Variants in RALYL observed in about 807,000 individuals in gnomAD.
The protein encoded by RALYL is RALY RNA binding protein like, also known as RNA-binding Raly-like protein.
RALYL carries 29 observed loss-of-function variants against 35.1 expected under a neutral mutation model. That is an observed-to-expected ratio of 0.83 (90% CI 0.61 to 1.13). RALYL has a LOEUF of 1.13. Among genes scored for constraint, RALYL ranks in the 50% most tolerant of loss-of-function variants. The probability of loss-of-function intolerance (pLI) is 0.00; values close to 1 mark genes in which losing one functional copy is unlikely to be tolerated. For missense variants in RALYL, 359 were observed against 360.4 expected, an observed-to-expected ratio of 1.00 and a Z score of 0.03; for synonymous variants, 120 against 127.6, an observed-to-expected ratio of 0.94 and a Z score of 0.40.
intron 5 of RALYL, among the ~76,000 whole-genome samples, chr8:84,861,375 C>T (rs542076706): frequency 2.6e-5 from 4 of 152,186 alleles, no homozygotes; most frequent in African/African-American, 9.6e-5. Flanking sequence ...GGATGCAGTA[C>T]AAATAATATG....
At chr8:84,405,727 T>C (rs1205998072) in intron 1 of RALYL, among the ~76,000 whole-genome samples, 1 of 152,084 alleles carries the variant, frequency 6.6e-6, no homozygotes, top group Non-Finnish European at 1.5e-5. Context: ...CACTAATATA[T>C]TTTTGTAGGA....
chr8:84,514,090 TAAAAAAAAAAAAAAA>T (rs57881021), intron 1 of RALYL, among the ~76,000 whole-genome samples: 1 of 41,158 alleles, frequency 2.4e-5, no homozygotes, highest in Non-Finnish European at 4.9e-5. Flanking sequence ...AGATTTCATC[TAAAAAAAAAAAAAAA>T]AAAAAAAAAA....
chr8:84,569,550 G>A (rs961908894), intron 2 of RALYL, among the ~76,000 whole-genome samples: 3 of 151,746 alleles, frequency 2.0e-5, no homozygotes, highest in African/African-American at 7.3e-5. Context: ...TGCTTACTCT[G>A]GTGATTATCC....
intron 2 of RALYL, among the ~76,000 whole-genome samples, chr8:84,568,047 T>A (rs926830843): frequency 1.3e-4 from 20 of 151,774 alleles, no homozygotes; most frequent in Non-Finnish European, 7.4e-5. Flanking sequence ...CAGTTTTTTT[T>A]TAAATTTTAT....
At chr8:84,353,584 T>G (rs1197558314) in intron 1 of RALYL, among the ~76,000 whole-genome samples, 1 of 150,418 alleles carries the variant, frequency 6.6e-6, no homozygotes, top group Admixed American at 6.6e-5. Context: ...ATATGCAAAT[T>G]TACGATTAAT....
intron 1 of RALYL, among the ~76,000 whole-genome samples, chr8:84,470,854 A>G (rs1042604219): frequency 2.6e-5 from 4 of 152,214 alleles, no homozygotes; most frequent in Non-Finnish European, 4.4e-5. Context: ...ATGAATTACA[A>G]TCAAACTTGG....
chr8:84,222,989 A>G (rs761942835), intron 1 of RALYL, among the ~76,000 whole-genome samples: 1 of 152,130 alleles, frequency 6.6e-6, no homozygotes, highest in Admixed American at 6.6e-5. Context: ...TTTAGAGAAT[A>G]TGGTGTCTTC....
intron 1 of RALYL, among the ~76,000 whole-genome samples, chr8:84,226,551 G>A (rs1457114703): frequency 6.6e-6 from 1 of 151,932 alleles, no homozygotes; most frequent in African/African-American, 2.4e-5. Context: ...TCAGCCTCCC[G>A]AGTAGCTGGG....
At chr8:84,626,829 T>C (rs1822832594) in intron 2 of RALYL, among the ~76,000 whole-genome samples, 1 of 152,164 alleles carries the variant, frequency 6.6e-6, no homozygotes, top group Non-Finnish European at 1.5e-5. Flanking sequence ...ATATTAGTCT[T>C]CAACCTTTAA....
intron 2 of RALYL, among the ~76,000 whole-genome samples, chr8:84,669,842 T>C (rs1316508036): frequency 3.3e-5 from 5 of 152,178 alleles, no homozygotes; most frequent in Non-Finnish European, 5.9e-5. Flanking sequence ...TATCTACTTA[T>C]TAAAATAAGC....
intron 1 of RALYL, among the ~76,000 whole-genome samples, chr8:84,339,981 A>T (rs1848500773): frequency 6.6e-6 from 1 of 151,980 alleles, no homozygotes; most frequent in African/African-American, 2.4e-5. Context: ...AATCATGGGG[A>T]TGGGTTTTTC....
intron 1 of RALYL, among the ~76,000 whole-genome samples, chr8:84,257,887 G>T (rs926986610): frequency 2.0e-5 from 3 of 152,088 alleles, no homozygotes; most frequent in Non-Finnish European, 4.4e-5. Context: ...GTGAAAAAAA[G>T]AACTGTCATT....
chr8:84,363,477 A>G (rs1388420), intron 1 of RALYL, among the ~76,000 whole-genome samples: 105,860 of 152,112 alleles, frequency 0.7, 38,568 homozygotes, highest in African/African-American at 0.92. Flanking sequence ...TAAACAGTGC[A>G]TATTTCTTTA....
At chr8:84,838,676 A>C (rs1832536672) in intron 4 of RALYL, among the ~76,000 whole-genome samples, 1 of 152,244 alleles carries the variant, frequency 6.6e-6, no homozygotes, top group South Asian at 2.1e-4. Flanking sequence ...TTGTAAATAC[A>C]TCTTAGCAGT....
intron 1 of RALYL, among the ~76,000 whole-genome samples, chr8:84,358,734 A>G (rs1452391243): frequency 6.6e-6 from 1 of 152,064 alleles, no homozygotes; most frequent in Non-Finnish European, 1.5e-5. Context: ...GGAATTGAAA[A>G]TTGCTTAGTT....
chr8:84,763,191 A>G (rs1223413830), intron 2 of RALYL, among the ~76,000 whole-genome samples: 1 of 152,194 alleles, frequency 6.6e-6, no homozygotes, highest in Non-Finnish European at 1.5e-5. Flanking sequence ...AATTAAGTCC[A>G]TATATACGCG....
chr8:84,757,487 T>A (rs1292811976), intron 2 of RALYL, among the ~76,000 whole-genome samples: 1 of 152,206 alleles, frequency 6.6e-6, no homozygotes, highest in East Asian at 1.9e-4. Context: ...AGATGATTTA[T>A]ATGCTAGTCA....
chr8:84,591,205 A>G (rs1056029250), intron 2 of RALYL, among the ~76,000 whole-genome samples: 1 of 152,260 alleles, frequency 6.6e-6, no homozygotes, highest in Non-Finnish European at 1.5e-5. Context: ...CTGAGTTTTT[A>G]CCCAACTGGC....
chr8:84,363,492 C>T (rs974680710), intron 1 of RALYL, among the ~76,000 whole-genome samples: 1 of 152,144 alleles, frequency 6.6e-6, no homozygotes, highest in African/African-American at 2.4e-5. Flanking sequence ...TCTTTATGAT[C>T]AACAACCTAA....
Sources: gnomAD v4.1 joint callset for allele counts (sites outside exome capture counted in the v4.1 genomes callset) on GRCh38, gnomAD v4.1.1 for gene constraint, MANE v1.5 for transcripts, NCBI Gene and HGNC (gene_info 2026-07-23, HGNC 2026-07-21) for gene names.